CARD8: variants seen among roughly 807,000 people sequenced by gnomAD.
CARD8 encodes the protein caspase recruitment domain family member 8, also known as caspase recruitment domain-containing protein 8.
Under a neutral mutation model 53.2 loss-of-function variants are expected in CARD8, and 38 were observed. The ratio of observed to expected loss-of-function variants is 0.71; its 90% CI spans 0.55 to 0.94. CARD8 has a LOEUF of 0.94. Among genes scored for constraint, CARD8 ranks in the 40% least tolerant of loss-of-function variants. The pLI, the probability that CARD8 is intolerant of heterozygous loss-of-function variation, is 0.00. For missense variants in CARD8, 561 were observed against 655.5 expected, an observed-to-expected ratio of 0.86 and a Z score of 1.57; for synonymous variants, 245 against 244.9, an observed-to-expected ratio of 1.00 and a Z score of 0.00.
intron 13 of CARD8, 113 bp downstream of exon 13, chr19:48,215,226 AT>A: frequency 1.3e-6 from 1 of 743,252 alleles, no homozygotes; most frequent in Non-Finnish European, 2.4e-6. Flanking sequence ...ACCTATACGG[AT>A]TTGCTGCCAG....
chr19:48,239,323 C>G (rs2044515186), intron 4 of CARD8, among the ~76,000 whole-genome samples: 1 of 152,142 alleles, frequency 6.6e-6, no homozygotes, highest in South Asian at 2.1e-4. Context: ...GGATACAGTA[C>G]TCTCGTCACA....
chr19:48,233,648 G>A, intron 6 of CARD8: 2 of 296,640 alleles, frequency 6.7e-6, no homozygotes, highest in Non-Finnish European at 1.3e-5. Context: ...GGTTTAGAAA[G>A]TGGGAGGAAC....
At chr19:48,252,524 G>C (rs1430196110) in intron 1 of CARD8, among the ~76,000 whole-genome samples, 1 of 148,088 alleles carries the variant, frequency 6.8e-6, no homozygotes, top group Non-Finnish European at 1.5e-5. Flanking sequence ...ACAGAGTCTT[G>C]CTCTGTCACC....
At chr19:48,218,387 C>CG (rs1819598392) in intron 12 of CARD8, among the ~76,000 whole-genome samples, 1 of 130,228 alleles carries the variant, frequency 7.7e-6, no homozygotes, top group African/African-American at 2.9e-5. Flanking sequence ...GATGGAGTTT[C>CG]GCTCTTATTG....
intron 4 of CARD8, 151 bp downstream of exon 4, chr19:48,240,811 C>G: frequency 1.5e-6 from 1 of 673,690 alleles, no homozygotes; most frequent in Non-Finnish European, 2.5e-6. Context: ...TGGGAGTTTT[C>G]CCTTCATTCA....
intron 1 of CARD8, among the ~76,000 whole-genome samples, chr19:48,251,629 G>A (rs2046952687): frequency 6.6e-6 from 1 of 152,100 alleles, no homozygotes; most frequent in Non-Finnish European, 1.5e-5. Flanking sequence ...CTGTTAAATT[G>A]CACTGCTCTA....
At chr19:48,232,529 A>G (rs1293767800) in intron 6 of CARD8, 36 bp from the exon 7 acceptor site, 1 of 1,514,978 alleles carries the variant, frequency 6.6e-7, no homozygotes, top group Non-Finnish European at 8.9e-7. Flanking sequence ...AAAAAGATGA[A>G]AAACATCAAG....
At chr19:48,229,483 A>T (rs1316029966) in intron 10 of CARD8, among the ~76,000 whole-genome samples, 1 of 152,190 alleles carries the variant, frequency 6.6e-6, no homozygotes, top group East Asian at 1.9e-4. Flanking sequence ...TCCTGTATTT[A>T]AGTACCCACA....
Position 48,221,745 on chromosome 19 carries a change from C to G in CARD8, c.1146G>C (p.Leu382=), listed in dbSNP as rs1338472134. The change falls in exon 11 of 14, where the codon CTG becomes CTC. Residue 382 remains leucine, a synonymous_variant. Coordinates refer to ENST00000651546, the MANE Select transcript of CARD8 (RefSeq NM_001184900.3). ...TTCTACTAACCTTGGGCATTACTTT[C>G]AGGTTAGCAGAATTAGACACAATAT... ...SSYIVSNSAN[L]KVMPKELKLS... The G allele has an allele frequency of 6.3e-7, 1 of 1,594,642 alleles. No individual in the cohort carries two copies.
intron 12 of CARD8, among the ~76,000 whole-genome samples, chr19:48,216,873 A>G (rs898798924): frequency 3.3e-5 from 5 of 152,170 alleles, no homozygotes; most frequent in African/African-American, 9.7e-5. Flanking sequence ...CCTAAGTTCT[A>G]TTATTACATT....
At chr19:48,249,146 G>C (rs961460952) in intron 3 of CARD8, among the ~76,000 whole-genome samples, 67 of 149,984 alleles carry the variant, frequency 4.5e-4, no homozygotes, top group African/African-American at 1.5e-3. Context: ...GCAGTGAGCC[G>C]AGATCACACC....
intron 13 of CARD8, 49 bp downstream of exon 13, chr19:48,215,291 C>G: frequency 7.2e-7 from 1 of 1,384,962 alleles, no homozygotes; most frequent in South Asian, 1.2e-5. Flanking sequence ...TCAAAGACCC[C>G]TTGATGTCTC....
chr19:48,207,104 G>A (rs1410131613), downstream of CARD8, among the ~76,000 whole-genome samples: 1 of 145,710 alleles, frequency 6.9e-6, no homozygotes, highest in African/African-American at 2.5e-5. Context: ...GGAGGCGGAG[G>A]TTGCAGTGGG....
chr19:48,231,917 G>A (rs771275361), intron 7 of CARD8, 107 bp from the exon 8 acceptor site: 10 of 960,254 alleles, frequency 1.0e-5, no homozygotes, highest in South Asian at 6.6e-5. Flanking sequence ...TACAGATATC[G>A]AATGAGAGCT....
In CARD8 at chr19:48,219,029, A is replaced by G; in HGVS notation, c.1162-17T>C. ...TTTCAACTCCTAGAGGAAACACATC[A>G]GTTGACTTGAAGCAGTGGAGGGTGG... is the stretch of plus-strand genomic sequence containing the variant. On this transcript the variant is annotated splice_polypyrimidine_tract_variant and intron_variant, in intron 11 of 13. Coordinates refer to ENST00000651546, the MANE Select transcript of CARD8 (RefSeq NM_001184900.3). 1.2e-6 allele frequency: 2 copies of G among 1,613,700 alleles called. No individual in the cohort carries two copies. The highest frequency in any genetic ancestry group is 1.7e-6 in the Non-Finnish European group (2 of 1,179,694).
At chr19:48,222,755 T>C (rs2040926889) in intron 10 of CARD8, among the ~76,000 whole-genome samples, 1 of 152,110 alleles carries the variant, frequency 6.6e-6, no homozygotes, top group Non-Finnish European at 1.5e-5. Flanking sequence ...AACAAAACCT[T>C]TCTACCTTTG....
chr19:48,223,121 T>C (rs2041019319), intron 10 of CARD8, among the ~76,000 whole-genome samples: 1 of 152,050 alleles, frequency 6.6e-6, no homozygotes, highest in African/African-American at 2.4e-5. Flanking sequence ...CTGGACAACA[T>C]GGTGAAACCC....
intron 12 of CARD8, among the ~76,000 whole-genome samples, chr19:48,216,765 G>C (rs2039394071): frequency 6.6e-6 from 1 of 152,192 alleles, no homozygotes; most frequent in African/African-American, 2.4e-5. Flanking sequence ...AACCTTTTTG[G>C]CACCTGGGAC....
At chr19:48,232,168 G>C (rs2043026289) in intron 7 of CARD8, 8 of 563,666 alleles carry the variant, frequency 1.4e-5, no homozygotes, top group Non-Finnish European at 2.5e-5. Context: ...GGTCAGAAAA[G>C]TATCGAACTC....
Sources: gnomAD v4.1 joint callset for allele counts (sites outside exome capture counted in the v4.1 genomes callset) on GRCh38, gnomAD v4.1.1 for gene constraint, MANE v1.5 for transcripts, NCBI Gene and HGNC (gene_info 2026-07-23, HGNC 2026-07-21) for gene names.